Variants in EIF4G3 observed in about 807,000 individuals in gnomAD.
EIF4G3 encodes the protein eIF-4-gamma 3.
EIF4G3 carries 34 observed loss-of-function variants against 186.4 expected under a neutral mutation model. The ratio of observed to expected loss-of-function variants is 0.18; its 90% CI spans 0.14 to 0.24. The LOEUF (loss-of-function observed/expected upper bound fraction) is 0.24. Ranked by LOEUF, EIF4G3 falls within the 10% of genes least tolerant of loss-of-function variation. The pLI is 1.00. For missense variants in EIF4G3, 1,536 were observed against 1,948.5 expected, an observed-to-expected ratio of 0.79 and a Z score of 3.99; for synonymous variants, 673 against 679.5, an observed-to-expected ratio of 0.99 and a Z score of 0.15.
At chr1:21,052,792 G>C (rs894387305) in intron 3 of EIF4G3, among the ~76,000 whole-genome samples, 21 of 152,116 alleles carry the variant, frequency 1.4e-4, no homozygotes, top group Admixed American at 4.6e-4. Context: ...TGTGTTGGCC[G>C]GGCTGGTCTC....
chr1:20,849,542 GC>G lies in EIF4G3; in HGVS notation c.3773-13del. 3 of 1,387,816 alleles carry G rather than the reference GC, an allele frequency of 2.2e-6. No individual in the cohort carries two copies. Among genetic ancestry groups the G allele is most frequent in the Non-Finnish European group, 2.9e-6 (3 of 1,028,404 alleles). 86.0% of individuals were successfully genotyped at this position (1,387,816 alleles called of 1,614,324 possible). On this transcript the variant is annotated splice_polypyrimidine_tract_variant and intron_variant, in intron 28 of 36. Transcript: ENST00000602326. ...AATTTCTGGTTTTGCTATTAGTGAGGCCCCCCAAAAAAAGTAAAAATAATAA... is the reference window on the plus strand; with the variant it reads ...AATTTCTGGTTTTGCTATTAGTGAGGCCCCCAAAAAAAGTAAAAATAATAA...
intron 3 of EIF4G3, among the ~76,000 whole-genome samples, chr1:21,088,425 T>TA (rs2096068892): frequency 1.6e-5 from 2 of 124,474 alleles, no homozygotes; most frequent in East Asian, 2.2e-4. Flanking sequence ...ATCTCAAAAT[T>TA]TAAAAAAAAA....
chr1:20,959,909 G>A (rs938846088), intron 12 of EIF4G3, among the ~76,000 whole-genome samples: 1 of 152,076 alleles, frequency 6.6e-6, no homozygotes, highest in Non-Finnish European at 1.5e-5. Flanking sequence ...ATGGGGAAAA[G>A]GGAATGCTTA....
At chr1:20,872,928 G>A (rs566547655) in intron 20 of EIF4G3, among the ~76,000 whole-genome samples, 1 of 151,978 alleles carries the variant, frequency 6.6e-6, no homozygotes, top group East Asian at 1.9e-4. Context: ...GTAGAGATGG[G>A]GTTTCACCAT....
At chr1:21,144,894 G>A (rs1275686341) in intron 2 of EIF4G3, among the ~76,000 whole-genome samples, 1 of 152,094 alleles carries the variant, frequency 6.6e-6, no homozygotes, top group Non-Finnish European at 1.5e-5. Context: ...ACTAGAAGAG[G>A]TAACGCACGT....
intron 3 of EIF4G3, among the ~76,000 whole-genome samples, chr1:21,054,032 G>T (rs1181830996): frequency 6.6e-6 from 1 of 152,192 alleles, no homozygotes; most frequent in African/African-American, 2.4e-5. Context: ...TAGAAAGGGG[G>T]GAAAGGTGGG....
At chr1:20,860,618 C>T in intron 23 of EIF4G3, 101 bp from the exon 24 acceptor site, 1 of 1,321,632 alleles carries the variant, frequency 7.6e-7, no homozygotes, top group African/African-American at 1.5e-5. Context: ...AAAATACCTA[C>T]AAAAGCTGTA....
At chr1:20,940,778 A>G (rs1389244885) in intron 14 of EIF4G3, among the ~76,000 whole-genome samples, 1 of 152,216 alleles carries the variant, frequency 6.6e-6, no homozygotes, top group Non-Finnish European at 1.5e-5. Flanking sequence ...TAAGCCTCAG[A>G]TAACTTTTGA....
chr1:20,817,435 A>G lies in EIF4G3; in HGVS notation c.4472T>C (p.Ile1491Thr), dbSNP rs569031168. The change falls in exon 34 of 37, where the codon ATT (isoleucine) becomes ACT (threonine). Residue 1491 changes from isoleucine to threonine, a missense_variant. Coordinates refer to ENST00000602326, the MANE Select transcript of EIF4G3 (RefSeq NM_001391906.1). ...CTGTTCATCATTCGCTTTGTCCTCA[A>G]TAATGAGTTTCTCGAGTCGCTTATA... ...ELYKRLEKLI[I>T]EDKANDEQIF... The G allele has an allele frequency of 4.3e-6, 7 of 1,609,628 alleles. No homozygotes were observed. The highest frequency in any genetic ancestry group is 5.9e-6 in the Non-Finnish European group (7 of 1,177,520).
intron 22 of EIF4G3, among the ~76,000 whole-genome samples, chr1:20,862,771 G>T (rs938150524): frequency 6.6e-6 from 1 of 152,126 alleles, no homozygotes; most frequent in Non-Finnish European, 1.5e-5. Context: ...TAATGTGGTA[G>T]AATTTTTATT....
At chr1:21,016,515 A>G (rs2154570387) in intron 4 of EIF4G3, among the ~76,000 whole-genome samples, 1 of 151,962 alleles carries the variant, frequency 6.6e-6, no homozygotes, top group South Asian at 2.1e-4. Flanking sequence ...GTGAGACTCA[A>G]CTCTACCAAA....
intron 11 of EIF4G3, among the ~76,000 whole-genome samples, chr1:20,970,266 C>T (rs145701835): frequency 1.1e-3 from 168 of 152,276 alleles, no homozygotes; most frequent in African/African-American, 3.8e-3. Context: ...TGCAATCATG[C>T]CTTTTCCAGC....
chr1:20,938,958 T>C (rs563898734), intron 14 of EIF4G3, among the ~76,000 whole-genome samples: 57 of 151,456 alleles, frequency 3.8e-4, no homozygotes, highest in Non-Finnish European at 7.4e-4. Context: ...AATACAAAAA[T>C]AAGCCAGGCG....
intron 3 of EIF4G3, among the ~76,000 whole-genome samples, chr1:21,062,755 A>C (rs1351186483): frequency 3.9e-5 from 6 of 152,110 alleles, no homozygotes; most frequent in Non-Finnish European, 5.9e-5. Context: ...ACGCCTGGCT[A>C]ATTTTTTCTA....
intron 4 of EIF4G3, among the ~76,000 whole-genome samples, chr1:21,019,708 C>A (rs1438122768): frequency 2.0e-5 from 3 of 152,062 alleles, no homozygotes; most frequent in Non-Finnish European, 4.4e-5. Flanking sequence ...CATGGTGAAA[C>A]CCTGTCTCTA....
chr1:21,020,358 T>C (rs1345276424), intron 4 of EIF4G3, among the ~76,000 whole-genome samples: 1 of 152,124 alleles, frequency 6.6e-6, no homozygotes, highest in Non-Finnish European at 1.5e-5. Context: ...GGCATGGTGG[T>C]GCATGCCTGT....
At chr1:20,882,550 G>A (rs920941991) in intron 19 of EIF4G3, among the ~76,000 whole-genome samples, 1 of 152,018 alleles carries the variant, frequency 6.6e-6, no homozygotes, top group Non-Finnish European at 1.5e-5. Context: ...GAACCCAGGA[G>A]GCGGAGGTTG....
At chr1:21,052,946 A>G (rs2094327246) in intron 3 of EIF4G3, among the ~76,000 whole-genome samples, 1 of 152,110 alleles carries the variant, frequency 6.6e-6, no homozygotes, top group African/African-American at 2.4e-5. Context: ...TCCACCTCCC[A>G]GCTGCCTGCC....
At chr1:21,042,561 C>T (rs2093645518) in intron 4 of EIF4G3, among the ~76,000 whole-genome samples, 1 of 152,104 alleles carries the variant, frequency 6.6e-6, no homozygotes, top group African/African-American at 2.4e-5. Flanking sequence ...CATTTGATCC[C>T]TTATAAAAAC....
Sources: gnomAD v4.1 joint callset for allele counts (sites outside exome capture counted in the v4.1 genomes callset) on GRCh38, gnomAD v4.1.1 for gene constraint, MANE v1.5 for transcripts, NCBI Gene and HGNC (gene_info 2026-07-23, HGNC 2026-07-21) for gene names.